Variants in CISD1 observed in about 807,000 individuals in gnomAD.
CISD1 encodes the protein CDGSH iron-sulfur domain-containing protein 1.
A neutral mutation model predicts 12.0 loss-of-function variants in CISD1; 8 were observed. The ratio of observed to expected loss-of-function variants is 0.67; its 90% CI spans 0.39 to 1.20. The LOEUF (loss-of-function observed/expected upper bound fraction) is 1.20. Ranked by LOEUF, CISD1 falls within the 50% of genes most tolerant of loss-of-function variation. The pLI is 0.01. For missense variants in CISD1, 107 were observed against 132.7 expected (o/e 0.81, Z 0.95); for synonymous variants, 38 against 42.2 (o/e 0.90, Z 0.39).
At chr10:58,274,412 C>T (rs1482452988) in intron 1 of CISD1, among the ~76,000 whole-genome samples, 4 of 140,214 alleles carry the variant, frequency 2.9e-5, no homozygotes, top group African/African-American at 1.1e-4. Flanking sequence ...ATGATTCAGG[C>T]TACACTCATG....
Position 58,287,728 on chromosome 10 carries a change from C to T in CISD1, c.*78C>T. The T allele has an allele frequency of 1.2e-6, 1 of 833,064 alleles. No individual in the cohort carries two copies. Among genetic ancestry groups the T allele is most frequent in the South Asian group, 1.8e-5 (1 of 54,270 alleles). The allele number at this position is 833,064 out of a possible 1,614,324, so 51.6% of individuals were successfully genotyped here. ...TAATTAGAATGACTACCACCTCTGT[C>T]TGATTCACCTTCGCTGGATTCTAAA... On this transcript the variant is annotated 3_prime_UTR_variant, in exon 3 of 3. Coordinates refer to ENST00000333926, the MANE Select transcript of CISD1 (RefSeq NM_018464.5).
At position 58,289,384 on chromosome 10, in the gene CISD1, A is replaced by G. The variant is rs980527653; in HGVS notation, c.*1734A>G. On this transcript the variant is annotated 3_prime_UTR_variant, in exon 3 of 3. Transcript: ENST00000333926. Reference sequence around the variant, plus strand: ...GAACCTGGTACCAGTTCTCAAAACTATAGGATTATATGAGTGTGTGTATAC... The same window carrying G: ...GAACCTGGTACCAGTTCTCAAAACTGTAGGATTATATGAGTGTGTGTATAC... The G allele has an allele frequency of 8.5e-5, 13 of 152,226 alleles. No homozygotes were observed. Among genetic ancestry groups the G allele is most frequent in the African/African-American group, 1.4e-4 (6 of 41,570 alleles). The allele number at this position is 152,226 out of a possible 1,614,324, so 9.4% of individuals were successfully genotyped here. A position where few individuals can be genotyped will look rare whatever the true frequency, so the allele number is the denominator to read the frequency against.
At chr10:58,272,257 A>G (rs533638212) in intron 1 of CISD1, among the ~76,000 whole-genome samples, 3 of 149,984 alleles carry the variant, frequency 2.0e-5, no homozygotes, top group South Asian at 2.1e-4. Context: ...ATACCAGGTA[A>G]TTTTGAAAGG....
intron 1 of CISD1, among the ~76,000 whole-genome samples, chr10:58,272,331 CAT>C (rs1253766045): frequency 2.0e-5 from 3 of 151,246 alleles, no homozygotes; most frequent in Non-Finnish European, 4.4e-5. Context: ...CAAGTTGCAA[CAT>C]AGGGATTTGT....
At chr10:58,274,543 T>C (rs1240322490) in intron 1 of CISD1, among the ~76,000 whole-genome samples, 1 of 134,174 alleles carries the variant, frequency 7.5e-6, no homozygotes, top group Non-Finnish European at 1.5e-5. Context: ...AAAAAAGAAA[T>C]GGAAATTGTT....
At chr10:58,274,065 A>G (rs922817960) in intron 1 of CISD1, among the ~76,000 whole-genome samples, 5 of 152,266 alleles carry the variant, frequency 3.3e-5, no homozygotes, top group African/African-American at 1.2e-4. Context: ...ACCCAGGAGC[A>G]GAGGTTGCAG....
At chr10:58,282,557 G>A (rs752878372) in intron 2 of CISD1, among the ~76,000 whole-genome samples, 1 of 152,188 alleles carries the variant, frequency 6.6e-6, no homozygotes, top group African/African-American at 2.4e-5. Flanking sequence ...TTATTTTAGC[G>A]AGTATTTTCT....
chr10:58,272,708 G>A (rs1839262903), intron 1 of CISD1, among the ~76,000 whole-genome samples: 1 of 152,190 alleles, frequency 6.6e-6, no homozygotes, highest in Admixed American at 6.5e-5. Flanking sequence ...CATGAGGTCA[G>A]GAGTTCGAGA....
intron 1 of CISD1, among the ~76,000 whole-genome samples, chr10:58,272,005 C>T (rs1434371699): frequency 3.3e-5 from 5 of 152,172 alleles, no homozygotes; most frequent in Non-Finnish European, 7.4e-5. Flanking sequence ...CATCCTGCTC[C>T]TTGATAACTC....
At chr10:58,283,484 G>A (rs935025802) in intron 2 of CISD1, among the ~76,000 whole-genome samples, 1 of 152,134 alleles carries the variant, frequency 6.6e-6, no homozygotes, top group Admixed American at 6.5e-5. Flanking sequence ...GAGCCAAAAT[G>A]GTGCCAGGCA....
chr10:58,276,367 T>G (rs1839314868), intron 1 of CISD1, among the ~76,000 whole-genome samples: 1 of 151,826 alleles, frequency 6.6e-6, no homozygotes, highest in African/African-American at 2.4e-5. Context: ...TATTTAGAAT[T>G]TATTAAATGA....
At chr10:58,271,291 C>A (rs1480250101) in intron 1 of CISD1, among the ~76,000 whole-genome samples, 2 of 151,748 alleles carry the variant, frequency 1.3e-5, no homozygotes, top group Non-Finnish European at 2.9e-5. Context: ...TCGCCCGCCT[C>A]GGCCTCCCAA....
intron 1 of CISD1, among the ~76,000 whole-genome samples, chr10:58,276,518 T>A (rs939054316): frequency 6.6e-6 from 1 of 152,030 alleles, no homozygotes; most frequent in African/African-American, 2.4e-5. Flanking sequence ...CCTGGAATCC[T>A]GCTACATATA....
At chr10:58,278,792 C>G (rs576778439) in intron 2 of CISD1, among the ~76,000 whole-genome samples, 21 of 152,052 alleles carry the variant, frequency 1.4e-4, no homozygotes, top group Admixed American at 6.5e-4. Flanking sequence ...TGACATGACA[C>G]CACAAGTGGA....
chr10:58,271,562 A>G (rs1202856831), intron 1 of CISD1, among the ~76,000 whole-genome samples: 1 of 152,180 alleles, frequency 6.6e-6, no homozygotes, highest in Non-Finnish European at 1.5e-5. Flanking sequence ...ATTCCTACAG[A>G]TTGAAAATCA....
chr10:58,286,569 G>A (rs1265104867), intron 2 of CISD1, among the ~76,000 whole-genome samples: 2 of 152,186 alleles, frequency 1.3e-5, no homozygotes, highest in South Asian at 4.1e-4. Context: ...AATGTGTGCT[G>A]TGATTCAAAT....
chr10:58,278,695 G>C (rs1027802025), intron 2 of CISD1, among the ~76,000 whole-genome samples: 1 of 152,158 alleles, frequency 6.6e-6, no homozygotes, highest in Non-Finnish European at 1.5e-5. Context: ...AAATATGGAA[G>C]AAGCCACATA....
chr10:58,277,311 A>G lies in CISD1; in HGVS notation c.226A>G (p.Arg76Gly), dbSNP rs568388348. 4 of 1,577,524 alleles carry G rather than the reference A, an allele frequency of 2.5e-6. No individual in the cohort carries two copies. In the South Asian group the frequency reaches 4.7e-5, roughly 18 times the overall value. ...GDKAVYCRCW[R>G]SKKFPFCDGA... is the part of the protein sequence containing the mutation. The stretch of plus-strand genomic sequence containing the variant: ...TAAAGCTGTGTACTGCCGTTGTTGG[A>G]GGTCCAAAAAGGTGAGGAAAGCAAT... The change falls in exon 2 of 3, where the codon AGG (arginine) becomes GGG (glycine). Residue 76 changes from arginine (R) to glycine (G), a missense_variant. Transcript: ENST00000333926.
intron 1 of CISD1, chr10:58,276,287 A>G (rs888561307): frequency 1.3e-5 from 2 of 152,190 alleles, no homozygotes; most frequent in African/African-American, 4.8e-5. Context: ...CTTGTTAGTC[A>G]GTTTTTTTAT....
Sources: allele counts gnomAD v4.1 joint callset (sites outside exome capture counted in the v4.1 genomes callset), GRCh38; gene constraint gnomAD v4.1.1; transcripts MANE v1.5; gene names NCBI Gene and HGNC (gene_info 2026-07-23, HGNC 2026-07-21).